Variants in VIT observed in about 807,000 individuals in gnomAD.
The protein encoded by VIT is vitrin.
A neutral mutation model predicts 78.0 loss-of-function variants in VIT; 99 were observed. The observed-to-expected ratio is 1.27, with a 90% confidence interval of 1.08 to 1.50. The LOEUF (loss-of-function observed/expected upper bound fraction) is 1.50. Ranked by LOEUF, VIT falls within the 40% of genes most tolerant of loss-of-function variation. VIT has a pLI of 0.00. For missense variants in VIT, 1,126 were observed against 875.3 expected, an observed-to-expected ratio of 1.29 and a Z score of -3.61; for synonymous variants, 374 against 334.3, an observed-to-expected ratio of 1.12 and a Z score of -1.29.
chr2:36,787,365 T>C lies in VIT; in HGVS notation c.1058+89T>C, dbSNP rs1665177151. The C allele has an allele frequency of 1.3e-5, 19 of 1,482,056 alleles. No individual in the cohort carries two copies. The South Asian group carries it at 2.6e-4, about 20-fold the overall frequency. The allele number at this position is 1,482,056 out of a possible 1,614,324, so 91.8% of individuals were successfully genotyped here. Reference sequence around the variant, plus strand: ...CGTGCTTAATTTTATGCCACAAATATTACCAACATGTCCTTGAGCACAGAT... The same window carrying C: ...CGTGCTTAATTTTATGCCACAAATACTACCAACATGTCCTTGAGCACAGAT... On this transcript the variant is annotated intron_variant, in intron 12 of 15. Transcript: ENST00000379242.
At chr2:36,778,563 C>A (rs140502076) in intron 9 of VIT, among the ~76,000 whole-genome samples, 80 of 152,286 alleles carry the variant, frequency 5.3e-4, no homozygotes, top group African/African-American at 1.7e-3. Context: ...AAAAATACCC[C>A]ACACCGAGCC....
intron 4 of VIT, 146 bp downstream of exon 4, chr2:36,743,402 C>T (rs1030929411): frequency 2.1e-6 from 2 of 940,226 alleles, no homozygotes; most frequent in South Asian, 2.3e-5. Flanking sequence ...TTAAAAAGTG[C>T]TTTTACTGGA....
At chr2:36,727,940 T>G (rs1312927804) in intron 2 of VIT, among the ~76,000 whole-genome samples, 1 of 152,220 alleles carries the variant, frequency 6.6e-6, no homozygotes, top group African/African-American at 2.4e-5. Flanking sequence ...TGTGTTTTCT[T>G]TTTTTTGAGA....
Position 36,742,553 on chromosome 2 carries a change from A to G in VIT, c.119-547A>G, listed in dbSNP as rs572909361. 4.6e-5 allele frequency among the ~76,000 whole-genome samples: 7 copies of G among 152,260 alleles called. No homozygotes were observed. The South Asian group carries it at 6.2e-4, about 14-fold the overall frequency. ...TCTTTCATTGCCTTCCACATCCTAC[A>G]TAGAACACAAGCATGCAAGCCTTCT... On this transcript the variant is annotated intron_variant, in intron 3 of 15. Coordinates refer to ENST00000379242, the MANE Select transcript of VIT (RefSeq NM_053276.4).
At chr2:36,761,848 T>C (rs1669142998) in intron 6 of VIT, among the ~76,000 whole-genome samples, 2 of 152,188 alleles carry the variant, frequency 1.3e-5, no homozygotes, top group African/African-American at 4.8e-5. Flanking sequence ...TAGTCGTCTG[T>C]CCAGTACTTT....
intron 12 of VIT, among the ~76,000 whole-genome samples, chr2:36,790,398 A>G (rs1665407189): frequency 6.6e-6 from 1 of 152,144 alleles, no homozygotes; most frequent in Admixed American, 6.5e-5. Flanking sequence ...TCATAACTTC[A>G]CTTTGCACTG....
At chr2:36,808,380 G>C in intron 14 of VIT, 92 bp from the exon 15 acceptor site, 1 of 1,466,238 alleles carries the variant, frequency 6.8e-7, no homozygotes, top group Non-Finnish European at 9.1e-7. Context: ...GGGCCTGCTT[G>C]CTTCTTCACC....
chr2:36,743,558 G>A (rs374367068), intron 4 of VIT, among the ~76,000 whole-genome samples: 10 of 151,690 alleles, frequency 6.6e-5, no homozygotes, highest in African/African-American at 2.4e-4. Flanking sequence ...ATTTTCCTTT[G>A]GTTACTTTTA....
chr2:36,791,213 C>T (rs1432988067), intron 12 of VIT, among the ~76,000 whole-genome samples: 2 of 152,184 alleles, frequency 1.3e-5, no homozygotes, highest in Non-Finnish European at 2.9e-5. Flanking sequence ...TAGTGAGTGG[C>T]TCTGACTTGG....
chr2:36,715,849 T>C (rs537575887), intron 1 of VIT, among the ~76,000 whole-genome samples: 18 of 152,236 alleles, frequency 1.2e-4, no homozygotes, highest in Non-Finnish European at 2.2e-4. Flanking sequence ...TGTCCACTTA[T>C]GTTTTTCCAC....
chr2:36,747,204 T>A (rs986927553), intron 4 of VIT, among the ~76,000 whole-genome samples: 3 of 152,188 alleles, frequency 2.0e-5, no homozygotes, highest in Non-Finnish European at 2.9e-5. Flanking sequence ...TATTGAGACT[T>A]GCTTTATAAC....
chr2:36,722,080 A>G (rs1666548657), intron 2 of VIT, among the ~76,000 whole-genome samples: 1 of 152,242 alleles, frequency 6.6e-6, no homozygotes. Context: ...CCATCCAAGG[A>G]TCCCTCAAAA....
At chr2:36,756,333 T>C (rs766417736) in intron 5 of VIT, among the ~76,000 whole-genome samples, 8 of 152,130 alleles carry the variant, frequency 5.3e-5, no homozygotes, top group Non-Finnish European at 1.0e-4. Flanking sequence ...GGCGGTTCCA[T>C]GGGATTTTAA....
chr2:36,804,291 G>A (rs1357721951), intron 13 of VIT, among the ~76,000 whole-genome samples: 2 of 152,218 alleles, frequency 1.3e-5, no homozygotes, highest in Non-Finnish European at 2.9e-5. Context: ...TTCCCAGTGG[G>A]TGCAACTCTT....
intron 12 of VIT, among the ~76,000 whole-genome samples, chr2:36,799,521 A>G (rs1456947638): frequency 6.6e-6 from 1 of 152,094 alleles, no homozygotes; most frequent in East Asian, 1.9e-4. Flanking sequence ...TTTTAAGACC[A>G]GCCAGGGGCA....
chr2:36,769,140 C>T (rs184991989), intron 7 of VIT, among the ~76,000 whole-genome samples: 9 of 152,290 alleles, frequency 5.9e-5, no homozygotes, highest in African/African-American at 2.2e-4. Context: ...CAGAAGTTCT[C>T]CTTTCTAAAA....
intron 12 of VIT, among the ~76,000 whole-genome samples, chr2:36,792,690 T>C (rs533519765): frequency 2.0e-5 from 3 of 152,300 alleles, no homozygotes; most frequent in African/African-American, 7.2e-5. Flanking sequence ...CAGCTGATTC[T>C]GTGGTGCAAC....
chr2:36,721,962 C>T (rs766439838), intron 2 of VIT, among the ~76,000 whole-genome samples: 12 of 152,208 alleles, frequency 7.9e-5, no homozygotes, highest in Admixed American at 1.3e-4. Context: ...GGAGCTGTGT[C>T]GTGCTCAGTG....
chr2:36,749,713 G>A (rs901117583), intron 4 of VIT, among the ~76,000 whole-genome samples: 1 of 152,222 alleles, frequency 6.6e-6, no homozygotes, highest in Non-Finnish European at 1.5e-5. Context: ...GGACAGCTTT[G>A]AGATGTGACT....
Sources: allele counts gnomAD v4.1 joint callset (sites outside exome capture counted in the v4.1 genomes callset), GRCh38; gene constraint gnomAD v4.1.1; transcripts MANE v1.5; gene names NCBI Gene and HGNC (gene_info 2026-07-23, HGNC 2026-07-21).